The following PEAK1 variants were observed in gnomAD, a reference collection of about 807,000 sequenced individuals.
PEAK1 encodes pseudopodium enriched atypical kinase 1.
In PEAK1, 54 loss-of-function variants were observed where a neutral mutation model predicts 124.7. The ratio of observed to expected loss-of-function variants is 0.43; its 90% CI spans 0.35 to 0.54. The LOEUF (loss-of-function observed/expected upper bound fraction) is 0.54, where lower values mean the gene tolerates loss of function less well. Ranked by LOEUF, PEAK1 falls within the 20% of genes least tolerant of loss-of-function variation. PEAK1 has a pLI of 0.01. For synonymous variants in PEAK1, 719 were observed against 760.0 expected, an observed-to-expected ratio of 0.95 and a Z score of 0.89; for missense variants, 2,046 against 2,134.5, an observed-to-expected ratio of 0.96 and a Z score of 0.82.
intron 6 of PEAK1, among the ~76,000 whole-genome samples, chr15:77,224,099 C>G (rs2059520456): frequency 6.6e-6 from 1 of 151,292 alleles, no homozygotes; most frequent in South Asian, 2.1e-4. Context: ...ATATCTGAAT[C>G]AAAATCCTCA....
intron 1 of PEAK1, among the ~76,000 whole-genome samples, chr15:77,368,025 A>G (rs999851135): frequency 5.9e-5 from 9 of 152,204 alleles, no homozygotes; most frequent in Admixed American, 5.9e-4. Context: ...TGTGACTATA[A>G]AAACTGTTTG....
chr15:77,419,100 TCAGCCTTC>T, intron 1 of PEAK1: 1 of 985,388 alleles, frequency 1.0e-6, no homozygotes, highest in Non-Finnish European at 1.2e-6. Context: ...CCCCTCAACG[TCAGCCTTC>T]CAATAACTCC....
intron 2 of PEAK1, among the ~76,000 whole-genome samples, chr15:77,293,535 T>C (rs2063332110): frequency 6.6e-6 from 1 of 152,228 alleles, no homozygotes; most frequent in African/African-American, 2.4e-5. Flanking sequence ...ACCTTAAAGC[T>C]TCTGCCAATG....
chr15:77,350,602 G>C (rs1201503503), intron 2 of PEAK1: 1 of 937,862 alleles, frequency 1.1e-6, no homozygotes, highest in African/African-American at 1.8e-5. Context: ...GTGTGTTAGA[G>C]ATTCAAGTAA....
chr15:77,184,647 A>G (rs1228936963), intron 6 of PEAK1, among the ~76,000 whole-genome samples: 3 of 152,222 alleles, frequency 2.0e-5, no homozygotes. Flanking sequence ...CTGTAATCCC[A>G]GCACTGTGGG....
At chr15:77,397,980 G>A (rs926465073) in intron 1 of PEAK1, among the ~76,000 whole-genome samples, 8 of 152,252 alleles carry the variant, frequency 5.3e-5, no homozygotes, top group Non-Finnish European at 8.8e-5. Flanking sequence ...CAGGAGAATC[G>A]CTTGAACCCA....
At chr15:77,203,333 A>G (rs1271402227) in intron 6 of PEAK1, among the ~76,000 whole-genome samples, 1 of 152,180 alleles carries the variant, frequency 6.6e-6, no homozygotes, top group African/African-American at 2.4e-5. Context: ...ACATAGAGAC[A>G]ATAAAAATCT....
intron 5 of PEAK1, among the ~76,000 whole-genome samples, chr15:77,270,621 TA>T (rs993075020): frequency 2.2e-4 from 34 of 152,294 alleles, no homozygotes; most frequent in African/African-American, 7.9e-4. Context: ...GCTCAACGGC[TA>T]AGCTCATAGG....
chr15:77,230,810 G>C lies in PEAK1; in HGVS notation c.-115+21557C>G, dbSNP rs1453730799. ...ATTGTACCACTACACTCCAGCCTAG[G>C]AGACAGAGTGAGACCCTGTCTCAAA... On this transcript the variant is annotated intron_variant, in intron 6 of 9. Transcript: ENST00000682557. Among the ~76,000 whole-genome samples the C allele has an allele frequency of 2.0e-5, 3 of 152,032 alleles. No homozygotes were observed. In the East Asian group the frequency reaches 5.8e-4, roughly 29 times the overall value.
chr15:77,248,296 T>C (rs2060687743), intron 6 of PEAK1, among the ~76,000 whole-genome samples: 1 of 152,154 alleles, frequency 6.6e-6, no homozygotes, highest in South Asian at 2.1e-4. Flanking sequence ...TACTGGACAA[T>C]TAACTTTGAG....
chr15:77,416,841 C>T (rs1281021710), intron 1 of PEAK1, among the ~76,000 whole-genome samples: 1 of 152,114 alleles, frequency 6.6e-6, no homozygotes, highest in East Asian at 1.9e-4. Context: ...ACTTTTTATA[C>T]TGAATGCATG....
At chr15:77,306,413 C>T (rs1166386951) in intron 2 of PEAK1, among the ~76,000 whole-genome samples, 1 of 152,148 alleles carries the variant, frequency 6.6e-6, no homozygotes, top group Admixed American at 6.5e-5. Flanking sequence ...TACCTGCATA[C>T]ACTATTTCCT....
At chr15:77,275,829 A>G (rs2062291935) in intron 5 of PEAK1, among the ~76,000 whole-genome samples, 1 of 152,112 alleles carries the variant, frequency 6.6e-6, no homozygotes, top group South Asian at 2.1e-4. Flanking sequence ...CACCATTAAA[A>G]TGCTTCAACA....
chr15:77,302,594 A>G (rs2063844485), intron 2 of PEAK1, among the ~76,000 whole-genome samples: 1 of 152,174 alleles, frequency 6.6e-6, no homozygotes, highest in African/African-American at 2.4e-5. Flanking sequence ...TAGTTCCTTT[A>G]GTTTAAAGTA....
intron 8 of PEAK1, among the ~76,000 whole-genome samples, chr15:77,142,966 G>A (rs1423543537): frequency 1.3e-5 from 2 of 152,140 alleles, no homozygotes; most frequent in Non-Finnish European, 2.9e-5. Context: ...TTAGTAGGGT[G>A]AATTTTATGG....
chr15:77,413,170 G>A (rs916356120), intron 1 of PEAK1, among the ~76,000 whole-genome samples: 3 of 152,182 alleles, frequency 2.0e-5, no homozygotes, highest in African/African-American at 7.2e-5. Flanking sequence ...GCAGAAACAG[G>A]ATACTGGCAA....
chr15:77,171,285 T>C (rs2056483970), intron 7 of PEAK1, among the ~76,000 whole-genome samples: 1 of 152,190 alleles, frequency 6.6e-6, no homozygotes, highest in African/African-American at 2.4e-5. Flanking sequence ...GTACAGGTTA[T>C]ATCAACTGAC....
intron 7 of PEAK1, among the ~76,000 whole-genome samples, chr15:77,175,760 C>T (rs1464173212): frequency 6.6e-6 from 1 of 152,182 alleles, no homozygotes; most frequent in Non-Finnish European, 1.5e-5. Context: ...TGGGTATATA[C>T]CCAAAGGATT....
chr15:77,255,318 A>C (rs1264880944), intron 5 of PEAK1: 1 of 902,732 alleles, frequency 1.1e-6, no homozygotes, highest in Non-Finnish European at 1.3e-6. Flanking sequence ...TTATTTTACT[A>C]ACAATGGAAA....
Sources: gnomAD v4.1 joint callset for allele counts (sites outside exome capture counted in the v4.1 genomes callset) on GRCh38, gnomAD v4.1.1 for gene constraint, MANE v1.5 for transcripts, NCBI Gene and HGNC (gene_info 2026-07-23, HGNC 2026-07-21) for gene names.